Variants in SGCZ observed in about 807,000 individuals in gnomAD.
The protein encoded by SGCZ is zeta-sarcoglycan.
Under a neutral mutation model 41.3 loss-of-function variants are expected in SGCZ, and 40 were observed. The ratio of observed to expected loss-of-function variants is 0.97; its 90% CI spans 0.75 to 1.26. The LOEUF (loss-of-function observed/expected upper bound fraction) is 1.26, where lower values mean the gene tolerates loss of function less well. Among genes scored for constraint, SGCZ ranks in the 50% most tolerant of loss-of-function variants. The pLI is 0.00. For synonymous variants in SGCZ, 206 were observed against 137.5 expected (o/e 1.50, Z -3.49); for missense variants, 552 against 369.8 (o/e 1.49, Z -4.04).
intron 1 of SGCZ, among the ~76,000 whole-genome samples, chr8:14,653,191 G>T (rs536237155): frequency 2.3e-4 from 35 of 151,744 alleles, no homozygotes; most frequent in Non-Finnish European, 4.0e-4. Flanking sequence ...ACTATGTTTG[G>T]GTCCACATAA....
intron 1 of SGCZ, among the ~76,000 whole-genome samples, chr8:14,764,882 G>A (rs1382383594): frequency 2.0e-5 from 3 of 151,908 alleles, no homozygotes; most frequent in Non-Finnish European, 2.9e-5. Context: ...TATTTATAAA[G>A]AGTCATAATG....
chr8:14,384,178 A>C (rs1804480513), intron 2 of SGCZ, among the ~76,000 whole-genome samples: 1 of 151,850 alleles, frequency 6.6e-6, no homozygotes, highest in Non-Finnish European at 1.5e-5. Flanking sequence ...ATGTGTTCTC[A>C]TTGTTCAATT....
chr8:14,280,913 G>C (rs1800408261), intron 3 of SGCZ, among the ~76,000 whole-genome samples: 3 of 149,318 alleles, frequency 2.0e-5, no homozygotes, highest in Admixed American at 1.4e-4. Context: ...TATGAAACAA[G>C]AAGGTCATCA....
At chr8:14,604,184 A>T (rs1805675809) in intron 1 of SGCZ, among the ~76,000 whole-genome samples, 1 of 152,156 alleles carries the variant, frequency 6.6e-6, no homozygotes, top group African/African-American at 2.4e-5. Flanking sequence ...CACTTCCTGT[A>T]TAAGCAAGGT....
intron 2 of SGCZ, among the ~76,000 whole-genome samples, chr8:14,500,571 T>C (rs1313526316): frequency 6.6e-6 from 1 of 152,066 alleles, no homozygotes; most frequent in Non-Finnish European, 1.5e-5. Context: ...GTGAGTTTTC[T>C]GTGACTTTTG....
chr8:14,939,230 C>G (rs1235363309), intron 1 of SGCZ, among the ~76,000 whole-genome samples: 2 of 152,074 alleles, frequency 1.3e-5, no homozygotes, highest in Non-Finnish European at 2.9e-5. Flanking sequence ...TTAGTCCTGA[C>G]CCAGATCTAG....
At chr8:14,379,120 T>C (rs911724777) in intron 2 of SGCZ, among the ~76,000 whole-genome samples, 1 of 152,172 alleles carries the variant, frequency 6.6e-6, no homozygotes, top group Admixed American at 6.5e-5. Flanking sequence ...TCCTGAGGTA[T>C]CAGCAAATTT....
intron 5 of SGCZ, among the ~76,000 whole-genome samples, chr8:14,146,257 C>T (rs1423378936): frequency 2.0e-5 from 3 of 152,170 alleles, no homozygotes; most frequent in African/African-American, 7.2e-5. Flanking sequence ...TCAGTGGAAA[C>T]TTACAGGCTG....
rs150289659 is a variant in SGCZ, at chr8:14,977,421, T to C, written c.39+260164A>G. Among the ~76,000 whole-genome samples, 3 of 152,336 alleles carry C rather than the reference T, an allele frequency of 2.0e-5. No homozygotes were observed. In the East Asian group the frequency reaches 5.8e-4, roughly 29 times the overall value. On this transcript the variant is annotated intron_variant, in intron 1 of 7. Coordinates refer to ENST00000382080, the MANE Select transcript of SGCZ (RefSeq NM_139167.4). ...TACTTAATATGCTGAAAAACATTACTTTATCACCAATTCTAAAGAGTAGTG... is the reference window on the plus strand; with the variant it reads ...TACTTAATATGCTGAAAAACATTACCTTATCACCAATTCTAAAGAGTAGTG...
At chr8:14,936,160 G>T (rs186153054) in intron 1 of SGCZ, among the ~76,000 whole-genome samples, 1 of 151,878 alleles carries the variant, frequency 6.6e-6, no homozygotes, top group Admixed American at 6.6e-5. Flanking sequence ...TAGAAGAGGC[G>T]GAAAGGTATC....
intron 2 of SGCZ, among the ~76,000 whole-genome samples, chr8:14,448,984 T>G (rs1240753628): frequency 6.6e-6 from 1 of 152,194 alleles, no homozygotes; most frequent in East Asian, 1.9e-4. Flanking sequence ...AAGATCAATT[T>G]TATTTACTGT....
intron 1 of SGCZ, among the ~76,000 whole-genome samples, chr8:14,948,358 C>A (rs1800522141): frequency 6.6e-6 from 1 of 152,052 alleles, no homozygotes; most frequent in Non-Finnish European, 1.5e-5. Context: ...GGAGGCCATC[C>A]AAGTCCTAAA....
At chr8:14,693,582 C>CTT (rs67757752) in intron 1 of SGCZ, among the ~76,000 whole-genome samples, 980 of 61,570 alleles carry the variant, frequency 0.016, 198 homozygotes, top group South Asian at 0.065. Context: ...CCACGACTGG[C>CTT]TTTTTTTTTT....
At chr8:14,253,945 C>T (rs202053887) in intron 3 of SGCZ, among the ~76,000 whole-genome samples, 71,631 of 126,178 alleles carry the variant, frequency 0.57, 17,308 homozygotes, top group African/African-American at 0.64. Context: ...TTCTGCTTTT[C>T]ATGAAACATT....
intron 1 of SGCZ, among the ~76,000 whole-genome samples, chr8:14,644,494 GC>G (rs1398752576): frequency 6.6e-6 from 1 of 151,708 alleles, no homozygotes; most frequent in Non-Finnish European, 1.5e-5. Flanking sequence ...AGTTGTGCCA[GC>G]CAATTTTTAA....
chr8:14,893,370 T>A (rs1008946901), intron 1 of SGCZ, among the ~76,000 whole-genome samples: 10 of 152,142 alleles, frequency 6.6e-5, no homozygotes, highest in Non-Finnish European at 8.8e-5. Context: ...TCTAGTCCGA[T>A]GAGAGCCACG....
chr8:14,863,836 A>C (rs1004609438), intron 1 of SGCZ, among the ~76,000 whole-genome samples: 14 of 152,072 alleles, frequency 9.2e-5, no homozygotes, highest in Admixed American at 5.2e-4. Flanking sequence ...AAATACACTA[A>C]TATACTCAGG....
At chr8:14,440,808 T>C (rs34875064) in intron 2 of SGCZ, among the ~76,000 whole-genome samples, 30,403 of 131,466 alleles carry the variant, frequency 0.23, 5,292 homozygotes, top group Non-Finnish European at 0.29. Flanking sequence ...TGTATATATG[T>C]GTATACACAT....
At chr8:14,286,066 C>G (rs1247529121) in intron 3 of SGCZ, among the ~76,000 whole-genome samples, 1 of 148,958 alleles carries the variant, frequency 6.7e-6, no homozygotes, top group Non-Finnish European at 1.5e-5. Flanking sequence ...TATGCTAATG[C>G]AGTCAATGTA....
Sources: gnomAD v4.1 joint callset for allele counts (sites outside exome capture counted in the v4.1 genomes callset) on GRCh38, gnomAD v4.1.1 for gene constraint, MANE v1.5 for transcripts, NCBI Gene and HGNC (gene_info 2026-07-23, HGNC 2026-07-21) for gene names.